RBMS3: variants seen among roughly 807,000 people sequenced by gnomAD.
RBMS3 encodes RNA-binding motif, single-stranded-interacting protein 3.
In RBMS3, 27 loss-of-function variants were observed where a neutral mutation model predicts 66.8. The observed-to-expected ratio is 0.40, with a 90% confidence interval of 0.30 to 0.56. RBMS3 has a LOEUF of 0.56. Ranked by LOEUF, RBMS3 falls within the 20% of genes least tolerant of loss-of-function variation. The pLI, the probability that RBMS3 is intolerant of heterozygous loss-of-function variation, is 0.40. For missense variants in RBMS3, 513 were observed against 549.5 expected, an observed-to-expected ratio of 0.93 and a Z score of 0.66; for synonymous variants, 188 against 183.0, an observed-to-expected ratio of 1.03 and a Z score of -0.22.
At chr3:29,873,292 G>C (rs933778101) in intron 7 of RBMS3, among the ~76,000 whole-genome samples, 4 of 152,056 alleles carry the variant, frequency 2.6e-5, no homozygotes, top group African/African-American at 9.7e-5. Flanking sequence ...TCTCATCATA[G>C]AGACCTTTCA....
At chr3:29,399,833 G>A (rs974151921) in intron 1 of RBMS3, among the ~76,000 whole-genome samples, 1 of 152,068 alleles carries the variant, frequency 6.6e-6, no homozygotes, top group African/African-American at 2.4e-5. Context: ...TAAAATGAAG[G>A]ACAATGGCTA....
At chr3:30,000,624 G>A (rs1469757625) in intron 14 of RBMS3, among the ~76,000 whole-genome samples, 3 of 152,098 alleles carry the variant, frequency 2.0e-5, no homozygotes, top group Admixed American at 2.0e-4. Flanking sequence ...CAATAGCAAA[G>A]AGTTGGAACC....
Position 29,436,403 on chromosome 3 carries a change from C to A in RBMS3, c.248+1488C>A, listed in dbSNP as rs554707442. 2.6e-5 allele frequency among the ~76,000 whole-genome samples: 4 copies of A among 152,142 alleles called. No individual in the cohort carries two copies. The South Asian group carries it at 6.2e-4, about 24-fold the overall frequency. On this transcript the variant is annotated intron_variant, in intron 2 of 14. Coordinates refer to ENST00000383767, the MANE Select transcript of RBMS3 (RefSeq NM_001003793.3). ...GATTTGTGAAAAAGGCAAGGCGGAA[C>A]CTTGAAAGATAAATATATATATTTT...
intron 12 of RBMS3, among the ~76,000 whole-genome samples, chr3:29,981,648 A>G (rs549561331): frequency 1.3e-5 from 2 of 152,250 alleles, no homozygotes; most frequent in East Asian, 3.9e-4. Flanking sequence ...GGGCTATTGA[A>G]TTTTGTTGAA....
At chr3:29,979,158 A>AAAC (rs751421266) in intron 12 of RBMS3, among the ~76,000 whole-genome samples, 51 of 151,356 alleles carry the variant, frequency 3.4e-4, no homozygotes, top group African/African-American at 6.4e-4. Context: ...AGAAGGAAAG[A>AAAC]AACAACAACA....
At position 29,838,959 on chromosome 3, in the gene RBMS3, A is replaced by T. The variant is rs1394580615; in HGVS notation, c.638-29899A>T. Among the ~76,000 whole-genome samples, 5 of 152,306 alleles carry T rather than the reference A, an allele frequency of 3.3e-5. No homozygotes were observed. The East Asian group carries it at 9.6e-4, about 29-fold the overall frequency. ...CTAGTTTATGTTAATGAACATTCTT[A>T]TAGAGGCTGCCAGGGGGACAGCTTC... On this transcript the variant is annotated intron_variant, in intron 6 of 14. Coordinates refer to ENST00000383767, the MANE Select transcript of RBMS3 (RefSeq NM_001003793.3).
chr3:29,818,566 A>G (rs1294422072), intron 6 of RBMS3, among the ~76,000 whole-genome samples: 4 of 152,124 alleles, frequency 2.6e-5, no homozygotes. Flanking sequence ...AATGTTGTGA[A>G]AAGTTTTATA....
At chr3:29,799,940 C>A (rs1263669851) in intron 6 of RBMS3, among the ~76,000 whole-genome samples, 5 of 152,092 alleles carry the variant, frequency 3.3e-5, no homozygotes, top group Non-Finnish European at 7.4e-5. Flanking sequence ...ACTCTTTTCC[C>A]ACAGCCTTTG....
At chr3:29,887,006 C>T (rs1405055022) in intron 8 of RBMS3, among the ~76,000 whole-genome samples, 2 of 151,766 alleles carry the variant, frequency 1.3e-5, no homozygotes, top group Non-Finnish European at 2.9e-5. Flanking sequence ...AGTCTTTACT[C>T]ATCTACATAG....
intron 3 of RBMS3, among the ~76,000 whole-genome samples, chr3:29,513,277 T>G (rs567772923): frequency 1.3e-5 from 2 of 152,298 alleles, no homozygotes; most frequent in South Asian, 4.1e-4. Flanking sequence ...TTGGAAAACC[T>G]TTCAGGGAAC....
At chr3:29,302,132 C>T (rs980924585) in intron 1 of RBMS3, among the ~76,000 whole-genome samples, 2 of 151,980 alleles carry the variant, frequency 1.3e-5, no homozygotes, top group African/African-American at 4.8e-5. Flanking sequence ...GCCTCAACCT[C>T]CCGAATAGCT....
intron 6 of RBMS3, among the ~76,000 whole-genome samples, chr3:29,791,684 C>T (rs1321861414): frequency 6.6e-6 from 1 of 152,116 alleles, no homozygotes; most frequent in Admixed American, 6.6e-5. Flanking sequence ...AAACTTTATC[C>T]TATTCAACTA....
intron 1 of RBMS3, among the ~76,000 whole-genome samples, chr3:29,404,969 T>A (rs1575725467): frequency 6.6e-6 from 1 of 152,114 alleles, no homozygotes; most frequent in South Asian, 2.1e-4. Context: ...TTCTGAATTA[T>A]AATGAATGGT....
At position 30,003,982 on chromosome 3, in the gene RBMS3, G is replaced by T. The variant is rs531166832; in HGVS notation, c.*120G>T. On this transcript the variant is annotated 3_prime_UTR_variant, in exon 15 of 15. Transcript: ENST00000383767. ...AATGCATTTTTTTGTTGTTGTTGTT[G>T]TTTTTTTTTTAGTGTTATACCTTAC... 1,408 of 730,140 alleles carry T rather than the reference G, an allele frequency of 1.9e-3. 12 individuals carry two copies. The African/African-American group carries it at 0.023, about 12-fold the overall frequency. The allele number at this position is 730,140 out of a possible 1,614,324, so 45.2% of individuals were successfully genotyped here. A position where few individuals can be genotyped will look rare whatever the true frequency, so the allele number is the denominator to read the frequency against.
chr3:29,713,958 G>A (rs991752150), intron 4 of RBMS3, among the ~76,000 whole-genome samples: 4 of 152,226 alleles, frequency 2.6e-5, no homozygotes, highest in South Asian at 2.1e-4. Flanking sequence ...TGGAGGCTGA[G>A]GTGGAAGGAT....
chr3:29,692,104 C>G (rs1395787047), intron 4 of RBMS3, among the ~76,000 whole-genome samples: 1 of 151,720 alleles, frequency 6.6e-6, no homozygotes, highest in Non-Finnish European at 1.5e-5. Context: ...GCCTCAGCCT[C>G]CCAAGTAGCT....
At chr3:29,357,695 T>C (rs1395498869) in intron 1 of RBMS3, among the ~76,000 whole-genome samples, 1 of 152,210 alleles carries the variant, frequency 6.6e-6, no homozygotes, top group Non-Finnish European at 1.5e-5. Flanking sequence ...TTTCTCCACA[T>C]CCTTTCCAGT....
At chr3:30,002,977 T>C (rs1246731839) in intron 14 of RBMS3, among the ~76,000 whole-genome samples, 1 of 152,016 alleles carries the variant, frequency 6.6e-6, no homozygotes, top group Non-Finnish European at 1.5e-5. Context: ...TCAAATTTAC[T>C]AAATTAAGCA....
At position 29,471,714 on chromosome 3, in the gene RBMS3, CTTAGTTTTTTT is replaced by C. The variant is rs1206837119; in HGVS notation, c.249-16724_249-16714del. 1.4e-3 allele frequency among the ~76,000 whole-genome samples: 174 copies of C among 125,610 alleles called. 1 individual carries two copies. The highest frequency in any genetic ancestry group is 3.8e-3 in the Admixed American group (46 of 12,076). 82.4% of individuals were successfully genotyped at this position (125,610 alleles called of 152,430 possible). On this transcript the variant is annotated intron_variant, in intron 2 of 14. Transcript: ENST00000383767. ...TGTAATGAATTTTATATCATGAGGACTTAGTTTTTTTTTTTTTTTTTTTGGTAATTACTGTC... is the reference window on the plus strand; with the variant it reads ...TGTAATGAATTTTATATCATGAGGACTTTTTTTTTTTTGGTAATTACTGTC...
Sources: gnomAD v4.1 joint callset for allele counts (sites outside exome capture counted in the v4.1 genomes callset) on GRCh38, gnomAD v4.1.1 for gene constraint, MANE v1.5 for transcripts, NCBI Gene and HGNC (gene_info 2026-07-23, HGNC 2026-07-21) for gene names.